The following RAD1 variants were observed in gnomAD, a reference collection of about 807,000 sequenced individuals.
RAD1 encodes RAD1 checkpoint DNA exonuclease.
A neutral mutation model predicts 30.0 loss-of-function variants in RAD1; 21 were observed. The ratio of observed to expected loss-of-function variants is 0.70; its 90% confidence interval spans 0.50 to 1.01. The LOEUF (loss-of-function observed/expected upper bound fraction) is 1.01, where lower values mean the gene tolerates loss of function less well. RAD1 is among the 50% of genes least tolerant of loss of function. RAD1 has a pLI of 0.00. For missense variants in RAD1, 329 were observed against 329.0 expected, an observed-to-expected ratio of 1.00 and a Z score of 0.00; for synonymous variants, 109 against 113.6, an observed-to-expected ratio of 0.96 and a Z score of 0.26.
At position 34,906,146 on chromosome 5, in the gene RAD1, G is replaced by C. The variant is rs1763645074; in HGVS notation, c.*2619C>G. The C allele has an allele frequency of 6.6e-6, 1 of 151,750 alleles. No individual in the cohort carries two copies. Among genetic ancestry groups the C allele is most frequent in the South Asian group, 2.1e-4 (1 of 4,784 alleles). The allele number at this position is 151,750 out of a possible 1,614,324, so 9.4% of individuals were successfully genotyped here. The stretch of plus-strand genomic sequence containing the variant: ...ATTTTTGTATTTTTAGTAGAGGTAG[G>C]GGTTTCACCATGTTGGCCAGGCTGA... On this transcript the variant is annotated 3_prime_UTR_variant, in exon 6 of 6. Transcript: ENST00000382038.
chr5:34,913,403 T>C, intron 3 of RAD1, 67 bp downstream of exon 3: 1 of 889,458 alleles, frequency 1.1e-6, no homozygotes, highest in Non-Finnish European at 1.6e-6. Flanking sequence ...ATGTTCCAAA[T>C]AACTTCCTGT....
chr5:34,912,667 A>AAAT (rs572624907), intron 3 of RAD1, among the ~76,000 whole-genome samples: 179 of 152,268 alleles, frequency 1.2e-3, no homozygotes, highest in African/African-American at 4.2e-3. Context: ...CCATTCTTAA[A>AAAT]AATTCCCTTA....
rs1228141538 is a variant in RAD1 at position 34,905,796 on chromosome 5, C to T, written c.*2969G>A. 4.0e-5 allele frequency: 6 copies of T among 151,862 alleles called. No homozygotes were observed. The highest frequency in any genetic ancestry group is 7.4e-5 in the Non-Finnish European group (5 of 67,984). 9.4% of individuals were successfully genotyped at this position (151,862 alleles called of 1,614,324 possible). Reference sequence around the variant, plus strand: ...ATTTTCCATAGGAAATAAAGTTAAACTTTTATTAAAGTAAAAATTCCTGGG... The same window carrying T: ...ATTTTCCATAGGAAATAAAGTTAAATTTTTATTAAAGTAAAAATTCCTGGG... On this transcript the variant is annotated 3_prime_UTR_variant, in exon 6 of 6. Transcript: ENST00000382038.
intron 4 of RAD1, among the ~76,000 whole-genome samples, chr5:34,910,516 T>A (rs1307492570): frequency 2.0e-5 from 3 of 151,780 alleles, no homozygotes; most frequent in African/African-American, 7.3e-5. Context: ...CAACCTCCAC[T>A]TCCTGGGTTC....
chr5:34,913,218 G>C (rs528224613), intron 3 of RAD1, among the ~76,000 whole-genome samples: 3 of 151,910 alleles, frequency 2.0e-5, no homozygotes, highest in Non-Finnish European at 4.4e-5. Context: ...GTATTCTTTT[G>C]GCCAGTTCGA....
intron 2 of RAD1, chr5:34,914,380 T>C (rs1176469734): frequency 2.9e-6 from 1 of 340,004 alleles, no homozygotes; most frequent in African/African-American, 2.1e-5. Context: ...GGACTATTGT[T>C]AAGATTAAAT....
At chr5:34,913,395 G>T in intron 3 of RAD1, 75 bp downstream of exon 3, 1 of 815,582 alleles carries the variant, frequency 1.2e-6, no homozygotes, top group Non-Finnish European at 1.8e-6. Context: ...CAATGTTTAT[G>T]TTCCAAATAA....
At chr5:34,915,332 A>T (rs1317560209) in intron 1 of RAD1, 84 bp downstream of exon 1, 5 of 245,400 alleles carry the variant, frequency 2.0e-5, no homozygotes, top group Non-Finnish European at 4.0e-5. Context: ...ATCCTCCAAG[A>T]GTCCCAGACA....
At chr5:34,909,013 A>G (rs569020314) in intron 5 of RAD1, 65 bp from the exon 6 acceptor site, 1 of 1,346,086 alleles carries the variant, frequency 7.4e-7, no homozygotes, top group South Asian at 1.3e-5. Context: ...ACTCCCAAGT[A>G]AAGGATAAAA....
chr5:34,909,108 A>G (rs2111931382), intron 5 of RAD1, 150 bp downstream of exon 5: 3 of 857,376 alleles, frequency 3.5e-6, no homozygotes, highest in Non-Finnish European at 5.4e-6. Flanking sequence ...TTAGAACCCT[A>G]CATCCCCTAG....
intron 2 of RAD1, 179 bp downstream of exon 2, chr5:34,914,516 T>C: frequency 4.6e-6 from 3 of 647,410 alleles, no homozygotes; most frequent in Middle Eastern, 8.6e-4. Flanking sequence ...GAAAAAAAAT[T>C]CAAGTAATGA....
At chr5:34,913,091 T>G (rs1214141550) in intron 3 of RAD1, among the ~76,000 whole-genome samples, 1 of 152,112 alleles carries the variant, frequency 6.6e-6, no homozygotes, top group Non-Finnish European at 1.5e-5. Flanking sequence ...AAACTAGGAG[T>G]CAGAACTGGC....
Position 34,908,651 on chromosome 5 carries a change from C to T in RAD1, c.*114G>A. ...TACATGACCTTGCTCCTATCTTCCC[C>T]ATTGTGCTTCTTCTCTATAGAAAAT... On this transcript the variant is annotated 3_prime_UTR_variant, in exon 6 of 6. Coordinates refer to ENST00000382038, the MANE Select transcript of RAD1 (RefSeq NM_002853.4). The T allele has an allele frequency of 1.1e-6, 1 of 944,628 alleles. No homozygotes were observed. The highest frequency in any genetic ancestry group is 1.6e-6 in the Non-Finnish European group (1 of 632,208). 58.5% of individuals were successfully genotyped at this position (944,628 alleles called of 1,614,324 possible).
intron 4 of RAD1, among the ~76,000 whole-genome samples, chr5:34,909,579 G>A (rs2111933238): frequency 6.6e-6 from 1 of 152,296 alleles, no homozygotes; most frequent in Non-Finnish European, 1.5e-5. Context: ...AAGGAAAAGG[G>A]TAGGGGACAC....
In RAD1 at chr5:34,914,679, G is replaced by C. The variant is rs765155156; in HGVS notation, c.198+16C>G. On this transcript the variant is annotated intron_variant, in intron 2 of 5. Coordinates refer to ENST00000382038, the MANE Select transcript of RAD1 (RefSeq NM_002853.4). ...GAGTATCTATGGCACAGGCTTAAAG[G>C]CGCCTACTTCCATACCTGAATAAAA... 2 of 1,613,180 alleles carry C rather than the reference G, an allele frequency of 1.2e-6. No homozygotes were observed. Among genetic ancestry groups the C allele is most frequent in the South Asian group, 2.2e-5 (2 of 91,056 alleles).
Position 34,905,303 on chromosome 5 carries a change from A to ACAAG in RAD1, c.*3458_*3461dup, listed in dbSNP as rs1253760361. 6.6e-6 allele frequency: 1 copy of ACAAG among 152,202 alleles called. No individual in the cohort carries two copies. The highest frequency in any genetic ancestry group is 1.5e-5 in the Non-Finnish European group (1 of 68,040). The allele number at this position is 152,202 out of a possible 1,614,324, so 9.4% of individuals were successfully genotyped here. ...ATTTTATTTCAGGTGGGGATAAGGGACAAGCAATGTGAAGACAGGGAAGGA... is the reference window on the plus strand; with the variant it reads ...ATTTTATTTCAGGTGGGGATAAGGGACAAGCAAGCAATGTGAAGACAGGGAAGGA... On this transcript the variant is annotated 3_prime_UTR_variant, in exon 6 of 6. Coordinates refer to ENST00000382038, the MANE Select transcript of RAD1 (RefSeq NM_002853.4).
chr5:34,909,851 A>T (rs1334016880), intron 4 of RAD1, among the ~76,000 whole-genome samples: 1 of 152,180 alleles, frequency 6.6e-6, no homozygotes, highest in African/African-American at 2.4e-5. Context: ...TAACATGCTG[A>T]TTTAATTTGC....
intron 1 of RAD1, 126 bp from the exon 2 acceptor site, chr5:34,915,087 C>T (rs955945771): frequency 3.4e-6 from 2 of 591,368 alleles, no homozygotes; most frequent in Non-Finnish European, 3.0e-6. Context: ...CCACCTATGT[C>T]ACTTAACTAT....
At chr5:34,911,863 A>G in intron 3 of RAD1, 51 bp from the exon 4 acceptor site, 1 of 1,573,330 alleles carries the variant, frequency 6.4e-7, no homozygotes, top group Non-Finnish European at 8.6e-7. Context: ...TTCTGGGTTC[A>G]GCTTCTCCTC....
Sources: allele counts gnomAD v4.1 joint callset (sites outside exome capture counted in the v4.1 genomes callset), GRCh38; gene constraint gnomAD v4.1.1; transcripts MANE v1.5; gene names NCBI Gene and HGNC (gene_info 2026-07-23, HGNC 2026-07-21).